Variants in SRGAP1 observed in about 807,000 individuals in gnomAD.
The protein encoded by SRGAP1 is SLIT-ROBO Rho GTPase-activating protein 1.
In SRGAP1, 43 loss-of-function variants were observed where a neutral mutation model predicts 121.9. The observed-to-expected ratio is 0.35, with a 90% CI of 0.28 to 0.46. The LOEUF (loss-of-function observed/expected upper bound fraction) is 0.46, where lower values mean the gene tolerates loss of function less well. Among genes scored for constraint, SRGAP1 ranks in the 20% least tolerant of loss-of-function variants. The pLI, the probability that SRGAP1 is intolerant of heterozygous loss-of-function variation, is 1.00. For synonymous variants in SRGAP1, 447 were observed against 485.4 expected, an observed-to-expected ratio of 0.92 and a Z score of 1.04; for missense variants, 1,102 against 1,350.9, an observed-to-expected ratio of 0.82 and a Z score of 2.89.
chr12:63,877,655 T>C (rs1037037205), intron 1 of SRGAP1, among the ~76,000 whole-genome samples: 1 of 152,180 alleles, frequency 6.6e-6, no homozygotes. Context: ...TTTTATAAAA[T>C]TTGGGTATAA....
rs1354040347 is a variant in SRGAP1 at position 64,142,585 on chromosome 12, A to G, written c.3171A>G (p.Pro1057=). Residue 1057 remains proline, a synonymous_variant, in exon 22 of 22, where the codon CCA becomes CCG. Transcript: ENST00000355086. ...AGCTGAAGCCTCCAGCCCTTAGGCCAAAACCTGCTGTTCTTCCAAAAACAA... is the reference window on the plus strand; with the variant it reads ...AGCTGAAGCCTCCAGCCCTTAGGCCGAAACCTGCTGTTCTTCCAAAAACAA... ...GVQLKPPALR[P]KPAVLPKTNP... The G allele has an allele frequency of 3.1e-6, 5 of 1,614,224 alleles. No homozygotes were observed. In the South Asian group the frequency reaches 4.4e-5, roughly 14 times the overall value.
intron 1 of SRGAP1, among the ~76,000 whole-genome samples, chr12:63,881,299 G>C (rs1565933573): frequency 2.0e-5 from 3 of 152,220 alleles, no homozygotes; most frequent in Non-Finnish European, 4.4e-5. Flanking sequence ...TATGTACACA[G>C]ACTAACATCA....
intron 3 of SRGAP1, among the ~76,000 whole-genome samples, chr12:63,993,303 C>T (rs1041934765): frequency 2.6e-5 from 4 of 152,110 alleles, no homozygotes; most frequent in Non-Finnish European, 5.9e-5. Flanking sequence ...CAAATTACTC[C>T]CACATGCTTA....
At chr12:64,084,067 T>G (rs2136570738) in intron 10 of SRGAP1, among the ~76,000 whole-genome samples, 1 of 152,328 alleles carries the variant, frequency 6.6e-6, no homozygotes, top group East Asian at 1.9e-4. Context: ...CAGTCATTCA[T>G]TAGGGAGCAA....
intron 4 of SRGAP1, among the ~76,000 whole-genome samples, chr12:64,033,485 G>T (rs1218124938): frequency 6.6e-6 from 1 of 152,108 alleles, no homozygotes; most frequent in Admixed American, 6.6e-5. Flanking sequence ...GGGAGGCTGT[G>T]GTGGGGGCGG....
At position 63,955,469 on chromosome 12, in the gene SRGAP1, A is replaced by G. The variant is rs575121119; in HGVS notation, c.68-28478A>G. ...TTATCATTTTTTTGTGGTCCTTCTT[A>G]AATACTTAATTTAGTTAGACTTAAC... On this transcript the variant is annotated intron_variant, in intron 1 of 21. Coordinates refer to ENST00000355086, the MANE Select transcript of SRGAP1 (RefSeq NM_020762.4). Among the ~76,000 whole-genome samples the G allele has an allele frequency of 1.1e-4, 17 of 152,300 alleles. No homozygotes were observed. The South Asian group carries it at 2.9e-3, about 26-fold the overall frequency.
chr12:63,978,904 T>C (rs35228936), intron 1 of SRGAP1, among the ~76,000 whole-genome samples: 1,904 of 152,300 alleles, frequency 0.013, 19 homozygotes, highest in Non-Finnish European at 0.018. Flanking sequence ...CTAGTGAGTG[T>C]GAAGTGGCAC....
In SRGAP1 at chr12:64,153,638, A is replaced by G. The variant is rs1212029293; in HGVS notation, c.*10966A>G. The G allele has an allele frequency of 2.0e-5, 3 of 152,204 alleles. No homozygotes were observed. The highest frequency in any genetic ancestry group is 2.0e-4 in the Admixed American group (3 of 15,278). The allele number at this position is 152,204 out of a possible 1,614,324, so 9.4% of individuals were successfully genotyped here. A position where few individuals can be genotyped will look rare whatever the true frequency, so the allele number is the denominator to read the frequency against. ...CCATTAGGATGGCCACTCTCAAATG[A>G]TCAAACTCCAGAAAATAACAAGTAT... On this transcript the variant is annotated 3_prime_UTR_variant, in exon 22 of 22. Coordinates refer to ENST00000355086, the MANE Select transcript of SRGAP1 (RefSeq NM_020762.4).
intron 1 of SRGAP1, among the ~76,000 whole-genome samples, chr12:63,909,079 G>A (rs2030364281): frequency 6.6e-6 from 1 of 151,420 alleles, no homozygotes; most frequent in African/African-American, 2.4e-5. Context: ...TAGTAGAGAC[G>A]GGGTTTCACC....
chr12:63,880,889 G>A (rs930644394), intron 1 of SRGAP1, among the ~76,000 whole-genome samples: 2 of 152,152 alleles, frequency 1.3e-5, no homozygotes, highest in Non-Finnish European at 2.9e-5. Context: ...GAATGAATGA[G>A]CGGATGATGT....
rs542233056 is a variant in SRGAP1 at position 64,100,472 on chromosome 12, A to G, written c.1813+3097A>G. Among the ~76,000 whole-genome samples the G allele has an allele frequency of 2.6e-5, 4 of 152,324 alleles. No homozygotes were observed. The South Asian group carries it at 8.3e-4, about 32-fold the overall frequency. On this transcript the variant is annotated intron_variant, in intron 15 of 21. Transcript: ENST00000355086. The stretch of plus-strand genomic sequence containing the variant: ...GCTCAAGTGCAAGTGAAGAAGCTAC[A>G]ATGACATTCCCTCCTGTATTAAAAC...
chr12:64,152,435 G>C lies in SRGAP1; in HGVS notation c.*9763G>C, dbSNP rs2037128552. ...CCACACGTGGGTCCCCACTGCTGCA[G>C]GACGGCATACTACTGTGTCTTATTC... On this transcript the variant is annotated 3_prime_UTR_variant, in exon 22 of 22. Transcript: ENST00000355086. 1 of 152,212 alleles carries C rather than the reference G, an allele frequency of 6.6e-6. No individual in the cohort carries two copies. Among genetic ancestry groups the C allele is most frequent in the African/African-American group, 2.4e-5 (1 of 41,448 alleles). The allele number at this position is 152,212 out of a possible 1,614,324, so 9.4% of individuals were successfully genotyped here.
At chr12:64,094,888 A>T in intron 12 of SRGAP1, 44 bp from the exon 13 acceptor site, 1 of 1,565,832 alleles carries the variant, frequency 6.4e-7, no homozygotes, top group Admixed American at 1.7e-5. Context: ...TGAGGCATTT[A>T]TACCTCTCCC....
chr12:64,024,549 A>G (rs527436533), intron 4 of SRGAP1, among the ~76,000 whole-genome samples: 1 of 152,348 alleles, frequency 6.6e-6, no homozygotes, highest in South Asian at 2.1e-4. Flanking sequence ...CAGTGTGCAT[A>G]TGAAACACAG....
intron 1 of SRGAP1, among the ~76,000 whole-genome samples, chr12:63,848,226 G>A (rs1363636854): frequency 1.3e-5 from 2 of 151,712 alleles, no homozygotes; most frequent in East Asian, 1.9e-4. Context: ...GGCTGGTCTC[G>A]AACTCCTGAC....
chr12:64,014,344 T>G (rs2034341897), intron 3 of SRGAP1, among the ~76,000 whole-genome samples: 1 of 152,228 alleles, frequency 6.6e-6, no homozygotes, highest in African/African-American at 2.4e-5. Context: ...GACCACAGTC[T>G]GTCTGTGATG....
chr12:63,909,305 C>CA, intron 1 of SRGAP1, among the ~76,000 whole-genome samples: 1 of 152,336 alleles, frequency 6.6e-6, no homozygotes, highest in Non-Finnish European at 1.5e-5. Context: ...CCCCTTGCTC[C>CA]AGGATTTTAT....
intron 1 of SRGAP1, among the ~76,000 whole-genome samples, chr12:63,857,566 T>C (rs1899297848): frequency 6.6e-6 from 1 of 151,440 alleles, no homozygotes; most frequent in Non-Finnish European, 1.5e-5. Context: ...GTATTTTTAG[T>C]AAAGACAGGG....
intron 1 of SRGAP1, among the ~76,000 whole-genome samples, chr12:63,874,317 C>T (rs1419712772): frequency 2.0e-5 from 3 of 151,972 alleles, no homozygotes; most frequent in South Asian, 2.1e-4. Flanking sequence ...CATTCTCCTG[C>T]GTCATCCTCC....
Sources: allele counts gnomAD v4.1 joint callset (sites outside exome capture counted in the v4.1 genomes callset), GRCh38; gene constraint gnomAD v4.1.1; transcripts MANE v1.5; gene names NCBI Gene and HGNC (gene_info 2026-07-23, HGNC 2026-07-21).